Variants in STX8 observed in about 807,000 individuals in gnomAD.
STX8 encodes the protein syntaxin 8.
In STX8, 23 loss-of-function variants were observed where a neutral mutation model predicts 37.5. The ratio of observed to expected loss-of-function variants is 0.61; its 90% CI spans 0.44 to 0.87. STX8 has a LOEUF of 0.87. Among genes scored for constraint, STX8 ranks in the 40% least tolerant of loss-of-function variants. STX8 has a pLI of 0.00. For synonymous variants in STX8, 115 were observed against 99.1 expected (o/e 1.16, Z -0.95); for missense variants, 313 against 284.7 (o/e 1.10, Z -0.71).
At chr17:9,282,904 C>CTTTTTT (rs5819219) in intron 7 of STX8, among the ~76,000 whole-genome samples, 2 of 149,144 alleles carry the variant, frequency 1.3e-5, no homozygotes, top group African/African-American at 2.5e-5. Flanking sequence ...GGAGATGAAT[C>CTTTTTT]TTTTTTTTTT....
chr17:9,253,452 C>T (rs1567755322), intron 7 of STX8, among the ~76,000 whole-genome samples: 3 of 152,030 alleles, frequency 2.0e-5, no homozygotes, highest in African/African-American at 4.8e-5. Context: ...TATTCTGGTG[C>T]CTGTGTGGTG....
chr17:9,468,092 G>T (rs751763232), intron 6 of STX8, among the ~76,000 whole-genome samples: 4 of 152,072 alleles, frequency 2.6e-5, no homozygotes, highest in South Asian at 2.1e-4. Flanking sequence ...AAACAATATA[G>T]CGAGGTTTGT....
At chr17:9,442,502 G>A (rs1904702697) in intron 6 of STX8, among the ~76,000 whole-genome samples, 1 of 152,148 alleles carries the variant, frequency 6.6e-6, no homozygotes, top group South Asian at 2.1e-4. Context: ...CGCCTCCTGG[G>A]TTCCAGTGAT....
At chr17:9,356,617 A>G (rs984993930) in intron 7 of STX8, among the ~76,000 whole-genome samples, 17 of 152,194 alleles carry the variant, frequency 1.1e-4, no homozygotes, top group African/African-American at 2.7e-4. Context: ...GGAGTTCAGA[A>G]AGCAAGAAGA....
At position 9,286,602 on chromosome 17, in the gene STX8, C is replaced by T. The variant is rs139471912; in HGVS notation, c.644-35957G>A. 8.8e-5 allele frequency among the ~76,000 whole-genome samples: 13 copies of T among 148,268 alleles called. No homozygotes were observed. In the East Asian group the frequency reaches 2.4e-3, roughly 27 times the overall value. ...TTGGTTCTTGTCTTCAACCTTCAGA[C>T]AACTCTAAGCTGGCTACAGCAGCTG... On this transcript the variant is annotated intron_variant, in intron 7 of 7. Transcript: ENST00000306357.
rs374480523 is a variant in STX8, at chr17:9,307,487, G to T, written c.644-56842C>A. Among the ~76,000 whole-genome samples, 40 of 152,274 alleles carry T rather than the reference G, an allele frequency of 2.6e-4. No individual in the cohort carries two copies. In the South Asian group the frequency reaches 8.1e-3, roughly 31 times the overall value. On this transcript the variant is annotated intron_variant, in intron 7 of 7. Transcript: ENST00000306357. ...CTGGGGGATTGGAGTTGCTTCTCCTGTTCTCTTCTTGCATCAGCAGTGGTT... is the reference window on the plus strand; with the variant it reads ...CTGGGGGATTGGAGTTGCTTCTCCTTTTCTCTTCTTGCATCAGCAGTGGTT...
intron 6 of STX8, among the ~76,000 whole-genome samples, chr17:9,409,475 T>A (rs1217963823): frequency 6.6e-6 from 1 of 152,212 alleles, no homozygotes; most frequent in African/African-American, 2.4e-5. Flanking sequence ...TATAGCCGCC[T>A]ATTTTATTTA....
intron 6 of STX8, among the ~76,000 whole-genome samples, chr17:9,428,023 G>C (rs1171564080): frequency 6.6e-6 from 1 of 152,112 alleles, no homozygotes; most frequent in Admixed American, 6.6e-5. Flanking sequence ...ATGGACCCAA[G>C]GGCTGTAGCA....
At chr17:9,304,525 A>AAG (rs1908899458) in intron 7 of STX8, among the ~76,000 whole-genome samples, 1 of 147,058 alleles carries the variant, frequency 6.8e-6, no homozygotes. Context: ...AAAAAAAAAA[A>AAG]AAAAGAAAAA....
chr17:9,396,332 G>T (rs758943472), intron 6 of STX8, among the ~76,000 whole-genome samples: 1 of 150,522 alleles, frequency 6.6e-6, no homozygotes, highest in Non-Finnish European at 1.5e-5. Context: ...TGGGAGAAAG[G>T]GGGGAGTGAT....
intron 6 of STX8, among the ~76,000 whole-genome samples, chr17:9,416,938 T>C (rs1567551043): frequency 6.6e-6 from 1 of 152,180 alleles, no homozygotes; most frequent in Non-Finnish European, 1.5e-5. Flanking sequence ...TTTTTTCAGA[T>C]TTTTCCATTC....
intron 6 of STX8, among the ~76,000 whole-genome samples, chr17:9,431,399 G>T (rs1913971469): frequency 6.7e-6 from 1 of 149,412 alleles, no homozygotes; most frequent in Non-Finnish European, 1.5e-5. Context: ...ATTATGAGTT[G>T]CTGAGCATCT....
At chr17:9,481,687 G>GCA (rs1906353124) in intron 6 of STX8, among the ~76,000 whole-genome samples, 1 of 152,158 alleles carries the variant, frequency 6.6e-6, no homozygotes, top group African/African-American at 2.4e-5. Flanking sequence ...ACCAACACCA[G>GCA]TCCATGGCCT....
rs532350117 is a variant in STX8, at chr17:9,383,151, C to T, written c.542-4498G>A. On this transcript the variant is annotated intron_variant, in intron 6 of 7. Coordinates refer to ENST00000306357, the MANE Select transcript of STX8 (RefSeq NM_004853.3). Reference sequence around the variant, plus strand: ...ACACCAGATCTGTAGGCACCTTGATCTTGACTCCCCAGCTTCCACAACGGT... The same window carrying T: ...ACACCAGATCTGTAGGCACCTTGATTTTGACTCCCCAGCTTCCACAACGGT... Among the ~76,000 whole-genome samples, 3 of 152,314 alleles carry T rather than the reference C, an allele frequency of 2.0e-5. No individual in the cohort carries two copies. The East Asian group carries it at 5.8e-4, about 29-fold the overall frequency.
intron 7 of STX8, among the ~76,000 whole-genome samples, chr17:9,268,991 T>A (rs1225265328): frequency 6.6e-6 from 1 of 151,946 alleles, no homozygotes. Flanking sequence ...ATCGAGACCA[T>A]CCTGGCTAAA....
intron 3 of STX8, among the ~76,000 whole-genome samples, chr17:9,551,433 A>G (rs1164847999): frequency 6.6e-6 from 1 of 152,234 alleles, no homozygotes; most frequent in Non-Finnish European, 1.5e-5. Context: ...AATCTTTACA[A>G]TAATGATAAA....
At chr17:9,431,913 TTTTGTA>T (rs1913999397) in intron 6 of STX8, among the ~76,000 whole-genome samples, 1 of 152,184 alleles carries the variant, frequency 6.6e-6, no homozygotes, top group African/African-American at 2.4e-5. Flanking sequence ...TCATAAAACA[TTTTGTA>T]ATGCTGTGAC....
intron 6 of STX8, among the ~76,000 whole-genome samples, chr17:9,383,902 T>A (rs1379195348): frequency 6.6e-6 from 1 of 152,072 alleles, no homozygotes; most frequent in African/African-American, 2.4e-5. Flanking sequence ...TAAATCTAAC[T>A]GAAGATGTGT....
At chr17:9,335,046 T>G (rs558162030) in intron 7 of STX8, among the ~76,000 whole-genome samples, 2 of 152,316 alleles carry the variant, frequency 1.3e-5, no homozygotes, top group South Asian at 4.1e-4. Flanking sequence ...CCTGGTCACC[T>G]GCTCTGACCT....
Sources: gnomAD v4.1 joint callset for allele counts (sites outside exome capture counted in the v4.1 genomes callset) on GRCh38, gnomAD v4.1.1 for gene constraint, MANE v1.5 for transcripts, NCBI Gene and HGNC (gene_info 2026-07-23, HGNC 2026-07-21) for gene names.